The following PTPRD variants were observed in gnomAD, a reference collection of about 807,000 sequenced individuals.
The protein encoded by PTPRD is receptor-type tyrosine-protein phosphatase delta.
Under a neutral mutation model 214.5 loss-of-function variants are expected in PTPRD, and 34 were observed. That is an observed-to-expected ratio of 0.16 (90% CI 0.12 to 0.21). The LOEUF (loss-of-function observed/expected upper bound fraction) is 0.21, where lower values mean the gene tolerates loss of function less well. Ranked by LOEUF, PTPRD falls within the 10% of genes least tolerant of loss-of-function variation. The pLI is 1.00. For synonymous variants in PTPRD, 1,128 were observed against 845.7 expected (o/e 1.33, Z -5.79); for missense variants, 2,545 against 2,398.7 (o/e 1.06, Z -1.27).
At chr9:10,130,278 AG>A (rs1345428295) in intron 3 of PTPRD, among the ~76,000 whole-genome samples, 1 of 151,758 alleles carries the variant, frequency 6.6e-6, no homozygotes, top group Non-Finnish European at 1.5e-5. Flanking sequence ...TTCCTACCTC[AG>A]TATCTATGAC....
intron 8 of PTPRD, among the ~76,000 whole-genome samples, chr9:9,488,545 C>G (rs1003527149): frequency 6.6e-6 from 1 of 152,054 alleles, no homozygotes; most frequent in Non-Finnish European, 1.5e-5. Context: ...TTTCCACCGT[C>G]CCATTAGATT....
chr9:8,695,593 A>C (rs1174113530), intron 12 of PTPRD, among the ~76,000 whole-genome samples: 2 of 152,206 alleles, frequency 1.3e-5, no homozygotes, highest in Non-Finnish European at 2.9e-5. Context: ...GGTAAGTTGC[A>C]TAAATGATTA....
intron 10 of PTPRD, among the ~76,000 whole-genome samples, chr9:9,073,103 C>T (rs80322503): frequency 0.033 from 5,022 of 152,076 alleles, 237 homozygotes; most frequent in African/African-American, 0.1. Context: ...TAAAGAAAGA[C>T]GAGAGAATGT....
chr9:8,667,208 G>A (rs942859601), intron 12 of PTPRD, among the ~76,000 whole-genome samples: 5 of 152,058 alleles, frequency 3.3e-5, no homozygotes, highest in African/African-American at 1.2e-4. Flanking sequence ...GCGTTGTGGT[G>A]GGCGCCTGTA....
intron 14 of PTPRD, among the ~76,000 whole-genome samples, chr9:8,616,803 G>A (rs1346024888): frequency 6.6e-6 from 1 of 152,128 alleles, no homozygotes; most frequent in Non-Finnish European, 1.5e-5. Context: ...TGTTTTGGAT[G>A]TGATTTACTC....
intron 2 of PTPRD, among the ~76,000 whole-genome samples, chr9:10,384,253 C>T (rs1055795250): frequency 1.3e-5 from 2 of 151,592 alleles, no homozygotes; most frequent in African/African-American, 2.4e-5. Context: ...GAACAGTATG[C>T]ATTACATGCC....
At chr9:9,428,363 T>C (rs2081824729) in intron 8 of PTPRD, among the ~76,000 whole-genome samples, 1 of 152,186 alleles carries the variant, frequency 6.6e-6, no homozygotes, top group South Asian at 2.1e-4. Context: ...AAGAGCTAAC[T>C]ATCCTAAATA....
At chr9:8,756,141 G>C (rs1443424250) in intron 11 of PTPRD, among the ~76,000 whole-genome samples, 1 of 152,162 alleles carries the variant, frequency 6.6e-6, no homozygotes, top group Non-Finnish European at 1.5e-5. Context: ...CAAAGGAACC[G>C]AGACAGTCAA....
chr9:9,781,568 G>A (rs936279333), intron 5 of PTPRD, among the ~76,000 whole-genome samples: 1 of 152,140 alleles, frequency 6.6e-6, no homozygotes, highest in Non-Finnish European at 1.5e-5. Context: ...GTGAAGGCAT[G>A]TAACACAGGA....
Position 8,970,240 on chromosome 9 carries a change from A to C in PTPRD, c.-104+48457T>G, listed in dbSNP as rs188834525. 3.1e-4 allele frequency among the ~76,000 whole-genome samples: 47 copies of C among 152,098 alleles called. No homozygotes were observed. The East Asian group carries it at 8.5e-3, about 28-fold the overall frequency. ...CTATGGGCTTATCAGCATAATTTAC[A>C]TATTAAATAAAAGAGCATAAGCCAT... is the stretch of plus-strand genomic sequence containing the variant. On this transcript the variant is annotated intron_variant, in intron 11 of 45. Transcript: ENST00000381196.
At chr9:10,029,075 G>A (rs930677745) in intron 4 of PTPRD, among the ~76,000 whole-genome samples, 1 of 152,228 alleles carries the variant, frequency 6.6e-6, no homozygotes, top group African/African-American at 2.4e-5. Flanking sequence ...TGGCTTCAGA[G>A]GGTGCAAGGC....
At chr9:9,904,636 A>C (rs546979251) in intron 5 of PTPRD, among the ~76,000 whole-genome samples, 7 of 152,224 alleles carry the variant, frequency 4.6e-5, no homozygotes, top group Non-Finnish European at 1.0e-4. Context: ...GATTAAATGC[A>C]ATAATGCATT....
intron 44 of PTPRD, among the ~76,000 whole-genome samples, chr9:8,321,461 T>TTG (rs4008233): frequency 0.015 from 1,277 of 86,438 alleles, 32 homozygotes; most frequent in South Asian, 0.037. Context: ...GAAGTCTTCT[T>TTG]TGTGTGTGTG....
At chr9:9,479,023 A>G (rs927706387) in intron 8 of PTPRD, among the ~76,000 whole-genome samples, 3 of 152,200 alleles carry the variant, frequency 2.0e-5, no homozygotes, top group Non-Finnish European at 4.4e-5. Flanking sequence ...TTCTGGATTC[A>G]GAGAAAATAA....
intron 11 of PTPRD, among the ~76,000 whole-genome samples, chr9:8,876,224 G>GTGTTGTTGTTGT (rs5896271): frequency 0.021 from 3,163 of 151,060 alleles, 108 homozygotes; most frequent in South Asian, 0.074. Context: ...ATGTGTGTGT[G>GTGTTGTTGTTGT]TGTTGTTGTT....
intron 39 of PTPRD, among the ~76,000 whole-genome samples, chr9:8,373,836 GTA>G (rs3042125): frequency 2.7e-4 from 26 of 95,366 alleles, no homozygotes; most frequent in African/African-American, 9.6e-4. Context: ...ATGTATGTAT[GTA>G]TGTATGTATG....
chr9:9,541,548 TA>T (rs1442654954), intron 8 of PTPRD, among the ~76,000 whole-genome samples: 1 of 151,852 alleles, frequency 6.6e-6, no homozygotes, highest in Non-Finnish European at 1.5e-5. Context: ...GTTTCATAGA[TA>T]TCTGATCTGG....
chr9:8,748,544 AAAG>A (rs1321290543), intron 11 of PTPRD, among the ~76,000 whole-genome samples: 8,222 of 147,404 alleles, frequency 0.056, 604 homozygotes, highest in African/African-American at 0.18. Context: ...AAAAAAAGAA[AAAG>A]AAAAAGAAAA....
At chr9:8,583,058 A>C (rs1008033172) in intron 14 of PTPRD, among the ~76,000 whole-genome samples, 1 of 152,220 alleles carries the variant, frequency 6.6e-6, no homozygotes, top group South Asian at 2.1e-4. Flanking sequence ...GTGGTCCCCA[A>C]CCGTTTTGGC....
Sources: gnomAD v4.1 joint callset for allele counts (sites outside exome capture counted in the v4.1 genomes callset) on GRCh38, gnomAD v4.1.1 for gene constraint, MANE v1.5 for transcripts, NCBI Gene and HGNC (gene_info 2026-07-23, HGNC 2026-07-21) for gene names.